Variants in GPR161 observed in about 807,000 individuals in gnomAD.
GPR161 encodes G-protein coupled receptor RE2.
A neutral mutation model predicts 39.2 loss-of-function variants in GPR161; 25 were observed. The observed-to-expected ratio is 0.64, with a 90% CI of 0.47 to 0.89. The LOEUF is 0.89. Ranked by LOEUF, GPR161 falls within the 40% of genes least tolerant of loss-of-function variation. The pLI is 0.00. For missense variants in GPR161, 547 were observed against 677.8 expected (o/e 0.81, Z 2.14); for synonymous variants, 286 against 276.6 (o/e 1.03, Z -0.34).
Position 168,085,535 on chromosome 1 carries a change from C to A in GPR161, c.1586G>T (p.Arg529Ile). ...EEGDVLAAEQ[R>I] ...CCCCACGGCACCCTGAGGCCCTCATCTCTGCTCGGCAGCTAAAACATCTCC... is the reference window on the plus strand; with the variant it reads ...CCCCACGGCACCCTGAGGCCCTCATATCTGCTCGGCAGCTAAAACATCTCC... Residue 529 changes from arginine to isoleucine, a missense_variant, in exon 6 of 6, where the codon AGA becomes ATA. Arg to Ile is a moderately conservative substitution (Grantham distance 97, BLOSUM62 -3). Coordinates refer to ENST00000682931, the MANE Select transcript of GPR161 (RefSeq NM_001375883.1). 6.2e-7 allele frequency: 1 copy of A among 1,610,092 alleles called. No homozygotes were observed. Among genetic ancestry groups the A allele is most frequent in the Non-Finnish European group, 8.5e-7 (1 of 1,177,144 alleles).
At chr1:168,103,149 T>TTA (rs1696269983) in intron 2 of GPR161, among the ~76,000 whole-genome samples, 1 of 152,156 alleles carries the variant, frequency 6.6e-6, no homozygotes, top group African/African-American at 2.4e-5. Flanking sequence ...TGAAAATAAT[T>TTA]TATATACCTC....
chr1:168,119,761 T>C (rs552924999), intron 1 of GPR161, among the ~76,000 whole-genome samples: 155 of 152,282 alleles, frequency 1.0e-3, no homozygotes, highest in Non-Finnish European at 1.2e-3. Flanking sequence ...GGTTTCCCCA[T>C]GCTGTTCTCA....
At chr1:168,099,116 AG>A (rs1304367091) in intron 2 of GPR161, among the ~76,000 whole-genome samples, 10 of 152,124 alleles carry the variant, frequency 6.6e-5, no homozygotes, top group African/African-American at 2.4e-4. Flanking sequence ...TGAGGACGAA[AG>A]CCCTACACTG....
upstream of GPR161, chr1:168,137,151 T>C: frequency 7.7e-7 from 1 of 1,292,930 alleles, no homozygotes; most frequent in Non-Finnish European, 9.8e-7. Flanking sequence ...TGCTGCTCTT[T>C]GTCTCGCCCT....
At chr1:168,112,045 A>G (rs1287497565) in intron 1 of GPR161, among the ~76,000 whole-genome samples, 1 of 152,174 alleles carries the variant, frequency 6.6e-6, no homozygotes, top group Non-Finnish European at 1.5e-5. Flanking sequence ...ATAATATTCA[A>G]GAGAAGGTGA....
At chr1:168,137,027 G>GCC, upstream of GPR161, 3 of 539,856 alleles carry the variant, frequency 5.6e-6, no homozygotes, top group Non-Finnish European at 6.7e-6. Context: ...GCCCCGCACT[G>GCC]CCCCGCCCCG....
intron 1 of GPR161, among the ~76,000 whole-genome samples, chr1:168,110,708 G>A (rs971015033): frequency 4.6e-5 from 7 of 152,056 alleles, no homozygotes; most frequent in South Asian, 4.1e-4. Context: ...TGGATCACCT[G>A]AAGTCAGGAG....
At chr1:168,133,382 CA>C (rs2102271126) in intron 1 of GPR161, among the ~76,000 whole-genome samples, 1 of 152,186 alleles carries the variant, frequency 6.6e-6, no homozygotes, top group Admixed American at 6.5e-5. Flanking sequence ...AATTTTTACC[CA>C]GAAATATTGT....
chr1:168,136,662 C>A, intron 1 of GPR161, 77 bp downstream of exon 1: 1 of 1,188,776 alleles, frequency 8.4e-7, no homozygotes, highest in Non-Finnish European at 1.0e-6. Flanking sequence ...CAGCCTCGCA[C>A]AATGAGTTTA....
Position 168,136,917 on chromosome 1 carries a change from G to A in GPR161, c.-223C>T, listed in dbSNP as rs1029306272. ...AGCCACCAGCACGCGGACCCGGGCG[G>A]GCGCAGGCCAAGTAACTTTGCGGCG... On this transcript the variant is annotated 5_prime_UTR_variant, in exon 1 of 6. Coordinates refer to ENST00000682931, the MANE Select transcript of GPR161 (RefSeq NM_001375883.1). 11 of 979,424 alleles carry A rather than the reference G, an allele frequency of 1.1e-5. No homozygotes were observed. The highest frequency in any genetic ancestry group is 1.3e-5 in the Non-Finnish European group (11 of 827,650). 60.7% of individuals were successfully genotyped at this position (979,424 alleles called of 1,614,324 possible). A position where few individuals can be genotyped will look rare whatever the true frequency, so the allele number is the denominator to read the frequency against.
intron 1 of GPR161, among the ~76,000 whole-genome samples, chr1:168,128,798 A>T (rs1259793176): frequency 6.6e-6 from 1 of 152,060 alleles, no homozygotes; most frequent in Non-Finnish European, 1.5e-5. Context: ...AAAGGAGTAC[A>T]TTTTTTTCTG....
rs1017843077 is a variant in GPR161, at chr1:168,098,574, A to T, written c.375-1342T>A. 4.6e-5 allele frequency among the ~76,000 whole-genome samples: 7 copies of T among 152,220 alleles called. No individual in the cohort carries two copies. Among genetic ancestry groups the T allele is most frequent in the African/African-American group, 1.7e-4 (7 of 41,452 alleles). On this transcript the variant is annotated intron_variant, in intron 2 of 5. Transcript: ENST00000682931. This position sits in a 1 kb window ranked among gnomAD's most constrained non-coding sequence, Gnocchi z 4.1. ...TGGCTCCTCCACAGGGACCGCCCTG[A>T]GTCACCCTTGGGCCCCAGCAGCTGA... is the stretch of plus-strand genomic sequence containing the variant.
chr1:168,137,210 T>A (rs1699460189), upstream of GPR161: 3 of 1,446,250 alleles, frequency 2.1e-6, no homozygotes, highest in Non-Finnish European at 2.7e-6. Flanking sequence ...TTGTGGTGCC[T>A]AACTCAGGCC....
At chr1:168,106,846 T>C (rs566379488) in intron 1 of GPR161, among the ~76,000 whole-genome samples, 43 of 152,358 alleles carry the variant, frequency 2.8e-4, no homozygotes, top group African/African-American at 1.0e-3. Context: ...ACTCCAGCTT[T>C]GTGCTATGGA....
Position 168,085,780 on chromosome 1 carries a change from C to G in GPR161, c.1341G>C (p.Ser447=). 1 of 1,611,904 alleles carries G rather than the reference C, an allele frequency of 6.2e-7. No homozygotes were observed. Among genetic ancestry groups the G allele is most frequent in the South Asian group, 1.1e-5 (1 of 91,034 alleles). Residue 447 remains serine, a synonymous_variant, in exon 6 of 6, where the codon TCG becomes TCC. Coordinates refer to ENST00000682931, the MANE Select transcript of GPR161 (RefSeq NM_001375883.1). ...VEQIKEAAKN[S]ILHVKAEVHK... ...GTACTTCAGCTTTCACATGAAGAAT[C>G]GAGTTCTTGGCAGCTTCTGAGGGAG...
intron 3 of GPR161, among the ~76,000 whole-genome samples, chr1:168,093,315 A>G (rs935171063): frequency 6.6e-6 from 1 of 152,192 alleles, no homozygotes; most frequent in African/African-American, 2.4e-5. Context: ...TTTGGCACCC[A>G]TGGAAAGCCT....
intron 5 of GPR161, among the ~76,000 whole-genome samples, chr1:168,087,312 G>A (rs1391060706): frequency 6.6e-6 from 1 of 151,768 alleles, no homozygotes; most frequent in Non-Finnish European, 1.5e-5. Context: ...CAGGATCTGG[G>A]CTGTGTGTGT....
rs1006519277 is a variant in GPR161, at chr1:168,080,597, T to G, written c.*4934A>C. The stretch of plus-strand genomic sequence containing the variant: ...CATCCCTGCCCTGCCTCTTAGGGGC[T>G]TGGAGGATTAGGGATTCTGTGAACC... On this transcript the variant is annotated 3_prime_UTR_variant, in exon 6 of 6. Transcript: ENST00000682931. 3 of 152,244 alleles carry G rather than the reference T, an allele frequency of 2.0e-5. No homozygotes were observed. The highest frequency in any genetic ancestry group is 4.8e-5 in the African/African-American group (2 of 41,424). The allele number at this position is 152,244 out of a possible 1,614,324, so 9.4% of individuals were successfully genotyped here.
chr1:168,122,644 C>T (rs1035556085), intron 1 of GPR161, among the ~76,000 whole-genome samples: 2 of 152,186 alleles, frequency 1.3e-5, no homozygotes, highest in African/African-American at 4.8e-5. Context: ...CACTAGCCTC[C>T]TCACTATTTC....
Sources: gnomAD v4.1 joint callset for allele counts (sites outside exome capture counted in the v4.1 genomes callset) on GRCh38, gnomAD v4.1.1 for gene constraint, Gnocchi (gnomAD v3.1) non-coding constraint, MANE v1.5 for transcripts, NCBI Gene and HGNC (gene_info 2026-07-23, HGNC 2026-07-21) for gene names.